Variants in SLC9C2 observed in about 807,000 individuals in gnomAD.
SLC9C2 encodes the protein sodium/hydrogen exchanger 11.
A neutral mutation model predicts 140.2 loss-of-function variants in SLC9C2; 75 were observed. The observed-to-expected ratio is 0.53, with a 90% confidence interval of 0.44 to 0.65. The LOEUF (loss-of-function observed/expected upper bound fraction) is 0.65, where lower values mean the gene tolerates loss of function less well. Ranked by LOEUF, SLC9C2 falls within the 30% of genes least tolerant of loss-of-function variation. The pLI, the probability that SLC9C2 is intolerant of heterozygous loss-of-function variation, is 0.00. For synonymous variants in SLC9C2, 375 were observed against 420.9 expected, an observed-to-expected ratio of 0.89 and a Z score of 1.34; for missense variants, 1,074 against 1,331.8, an observed-to-expected ratio of 0.81 and a Z score of 3.01.
chr1:173,573,833 TA>T (rs34570804), intron 8 of SLC9C2, among the ~76,000 whole-genome samples: 4 of 152,342 alleles, frequency 2.6e-5, no homozygotes, highest in South Asian at 2.1e-4. Flanking sequence ...ACTGAATTCC[TA>T]AAAGTCTTGT....
At chr1:173,580,457 T>G (rs1665458264) in intron 7 of SLC9C2, among the ~76,000 whole-genome samples, 1 of 152,070 alleles carries the variant, frequency 6.6e-6, no homozygotes, top group Non-Finnish European at 1.5e-5. Context: ...GTACAAGGGA[T>G]TCTTGTGACT....
In SLC9C2 at chr1:173,533,789, AATT is replaced by A; in HGVS notation, c.1980_1982del (p.Ile661del). On this transcript the variant is annotated inframe_deletion, in exon 17 of 28. Transcript: ENST00000367714. ...ATTGTTGAAAATATTTCCTTTTCAA[AATT>A]ATTATCTGTACAGAAAACAAATGTC... 1.2e-6 allele frequency: 2 copies of A among 1,602,350 alleles called. No homozygotes were observed. The highest frequency in any genetic ancestry group is 1.7e-6 in the Non-Finnish European group (2 of 1,172,698).
chr1:173,544,312 C>T (rs1662672450), intron 13 of SLC9C2, among the ~76,000 whole-genome samples: 1 of 152,134 alleles, frequency 6.6e-6, no homozygotes. Context: ...AATGAGATGC[C>T]ATCTCACACC....
chr1:173,527,364 G>A (rs1049146381), intron 18 of SLC9C2, among the ~76,000 whole-genome samples: 9 of 152,166 alleles, frequency 5.9e-5, no homozygotes, highest in Non-Finnish European at 1.0e-4. Context: ...TGTGCACCAA[G>A]GAGAATTCTC....
At chr1:173,551,230 C>A (rs1361839101) in intron 11 of SLC9C2, among the ~76,000 whole-genome samples, 1 of 152,146 alleles carries the variant, frequency 6.6e-6, no homozygotes, top group Non-Finnish European at 1.5e-5. Context: ...TAGTTCCATG[C>A]TCTATGAGAA....
intron 24 of SLC9C2, 99 bp from the exon 25 acceptor site, chr1:173,507,140 G>T (rs1455279030): frequency 2.1e-6 from 2 of 973,740 alleles, no homozygotes; most frequent in Non-Finnish European, 1.5e-6. Context: ...ATTTGAGGGT[G>T]TCAGAAGGTA....
At chr1:173,591,751 T>C (rs747532386) in intron 4 of SLC9C2, among the ~76,000 whole-genome samples, 11 of 152,226 alleles carry the variant, frequency 7.2e-5, no homozygotes, top group Non-Finnish European at 1.5e-4. Context: ...CTAAATTCCT[T>C]ATAGATGCTA....
chr1:173,577,789 T>G lies in SLC9C2; in HGVS notation c.803-1029A>C, dbSNP rs574332166. Among the ~76,000 whole-genome samples, 3 of 152,350 alleles carry G rather than the reference T, an allele frequency of 2.0e-5. No homozygotes were observed. In the South Asian group the frequency reaches 6.2e-4, roughly 32 times the overall value. ...TAATTGTTTTTATCTACTTTGTTGCTTAGTAAATTAATAGTTTATTAATTT... is the reference window on the plus strand; with the variant it reads ...TAATTGTTTTTATCTACTTTGTTGCGTAGTAAATTAATAGTTTATTAATTT... On this transcript the variant is annotated intron_variant, in intron 7 of 27. Coordinates refer to ENST00000367714, the MANE Select transcript of SLC9C2 (RefSeq NM_178527.4).
chr1:173,558,762 T>C (rs1173726614), intron 9 of SLC9C2, among the ~76,000 whole-genome samples: 1 of 152,232 alleles, frequency 6.6e-6, no homozygotes, highest in Non-Finnish European at 1.5e-5. Context: ...TTCCCATTTC[T>C]CTATCTTGGC....
intron 23 of SLC9C2, among the ~76,000 whole-genome samples, chr1:173,515,741 C>T (rs1271611354): frequency 6.6e-6 from 1 of 152,214 alleles, no homozygotes; most frequent in Non-Finnish European, 1.5e-5. Flanking sequence ...GGAAGAGGCA[C>T]TCTAGCCTTT....
intron 20 of SLC9C2, 61 bp from the exon 21 acceptor site, chr1:173,524,155 G>A (rs1661029355): frequency 1.1e-5 from 16 of 1,447,116 alleles, no homozygotes; most frequent in Non-Finnish European, 1.9e-6. Context: ...GGACACTAGG[G>A]AAAAACTAAG....
At chr1:173,533,273 T>A (rs1445786812) in intron 17 of SLC9C2, among the ~76,000 whole-genome samples, 6 of 152,140 alleles carry the variant, frequency 3.9e-5, no homozygotes, top group Non-Finnish European at 5.9e-5. Flanking sequence ...TATTATTATT[T>A]TTTGAGACAG....
chr1:173,551,252 A>G (rs1185380283), intron 11 of SLC9C2, among the ~76,000 whole-genome samples: 1 of 152,174 alleles, frequency 6.6e-6, no homozygotes, highest in Admixed American at 6.5e-5. Context: ...CCTTTTGATT[A>G]CCAATTTGGT....
rs1665568447 is a variant in SLC9C2, at chr1:173,582,009, C to G, written c.641-1G>C. 2 of 1,505,644 alleles carry G rather than the reference C, an allele frequency of 1.3e-6. No homozygotes were observed. The highest frequency in any genetic ancestry group is 2.8e-5 in the African/African-American group (2 of 70,956). The allele number at this position is 1,505,644 out of a possible 1,614,324, so 93.3% of individuals were successfully genotyped here. On this transcript the variant is annotated splice_acceptor_variant, in intron 6 of 27. Transcript: ENST00000367714. LOFTEE classifies it high-confidence loss of function. ...CTGAGTTCAATGCCTACATGTAAATCTAAAAAAAAGAAAGAAAAAATAAGA... is the reference window on the plus strand; with the variant it reads ...CTGAGTTCAATGCCTACATGTAAATGTAAAAAAAAGAAAGAAAAAATAAGA...
rs546699931 is a variant in SLC9C2, at chr1:173,588,077, G to C, written c.358-247C>G. 8.5e-5 allele frequency among the ~76,000 whole-genome samples: 13 copies of C among 152,186 alleles called. No homozygotes were observed. The South Asian group carries it at 2.7e-3, about 32-fold the overall frequency. On this transcript the variant is annotated intron_variant, in intron 4 of 27. Coordinates refer to ENST00000367714, the MANE Select transcript of SLC9C2 (RefSeq NM_178527.4). ...TTTCTTGTTGTTATTCTAGTTCAAT[G>C]GTTCTCAATATGAAAGGTTCTTAAA... is the stretch of plus-strand genomic sequence containing the variant.
In SLC9C2 at chr1:173,573,281, G is replaced by C. The variant is rs1400755651; in HGVS notation, c.947C>G (p.Ala316Gly). 8 of 1,572,450 alleles carry C rather than the reference G, an allele frequency of 5.1e-6. No homozygotes were observed. The highest frequency in any genetic ancestry group is 1.4e-5 in the African/African-American group (1 of 73,936). The change falls in exon 9 of 28, where the codon GCT (alanine) becomes GGT (glycine). Residue 316 changes from alanine (A) to glycine (G), a missense_variant. Coordinates refer to ENST00000367714, the MANE Select transcript of SLC9C2 (RefSeq NM_178527.4). ...FSSVYEHLIY[A>G]FFGIVIGCGE... The stretch of plus-strand genomic sequence containing the variant: ...ACATCCAATCACAATGCCAAAGAAA[G>C]CATATATTAAATGTTCATATACAGA...
intron 13 of SLC9C2, among the ~76,000 whole-genome samples, chr1:173,545,358 A>T (rs1282429932): frequency 6.6e-6 from 1 of 152,234 alleles, no homozygotes; most frequent in East Asian, 1.9e-4. Context: ...AATCAAACTG[A>T]GAAAGCCACT....
At chr1:173,597,763 A>T in intron 4 of SLC9C2, 141 bp downstream of exon 4, 1 of 782,154 alleles carries the variant, frequency 1.3e-6, no homozygotes, top group Non-Finnish European at 1.9e-6. Flanking sequence ...CTTTTTAGTT[A>T]GTAGTTCTAT....
intron 8 of SLC9C2, among the ~76,000 whole-genome samples, chr1:173,575,047 G>A (rs377015172): frequency 6.6e-6 from 1 of 152,076 alleles, no homozygotes. Context: ...TTGAGCCCTG[G>A]AGGTGGAGGC....
Sources: gnomAD v4.1 joint callset for allele counts (sites outside exome capture counted in the v4.1 genomes callset) on GRCh38, gnomAD v4.1.1 for gene constraint, MANE v1.5 for transcripts, NCBI Gene and HGNC (gene_info 2026-07-23, HGNC 2026-07-21) for gene names.